AUTS2: variants seen among roughly 807,000 people sequenced by gnomAD.
The protein encoded by AUTS2 is activator of transcription and developmental regulator AUTS2, also known as autism susceptibility gene 2 protein.
Under a neutral mutation model 112.4 loss-of-function variants are expected in AUTS2, and 17 were observed. The ratio of observed to expected loss-of-function variants is 0.15; its 90% confidence interval spans 0.10 to 0.23. The LOEUF is 0.23. AUTS2 is among the 10% of genes least tolerant of loss of function. The pLI is 1.00. For missense variants in AUTS2, 1,510 were observed against 1,701.6 expected, an observed-to-expected ratio of 0.89 and a Z score of 1.98; for synonymous variants, 751 against 702.7, an observed-to-expected ratio of 1.07 and a Z score of -1.09.
intron 4 of AUTS2, among the ~76,000 whole-genome samples, chr7:70,249,734 C>G (rs1040508928): frequency 2.6e-5 from 4 of 151,892 alleles, no homozygotes; most frequent in Admixed American, 1.3e-4. Flanking sequence ...TTTCATTTTT[C>G]TCTGACTCAA....
intron 2 of AUTS2, among the ~76,000 whole-genome samples, chr7:69,927,188 A>ATATATG (rs892242897): frequency 2.8e-5 from 4 of 143,664 alleles, no homozygotes; most frequent in African/African-American, 1.0e-4. Context: ...CAATATATTT[A>ATATATG]TATATATATA....
At chr7:70,133,442 A>T (rs1418756525) in intron 3 of AUTS2, among the ~76,000 whole-genome samples, 2 of 152,230 alleles carry the variant, frequency 1.3e-5, no homozygotes, top group African/African-American at 4.8e-5. Context: ...AGAAGCAATG[A>T]TGAAAAAGCC....
At chr7:70,623,652 GA>G (rs1585395526) in intron 5 of AUTS2, among the ~76,000 whole-genome samples, 1 of 152,150 alleles carries the variant, frequency 6.6e-6, no homozygotes, top group Non-Finnish European at 1.5e-5. Flanking sequence ...GTGTTCAGGG[GA>G]TCACTGGATC....
chr7:69,880,809 A>G (rs1794010784), intron 1 of AUTS2, among the ~76,000 whole-genome samples: 1 of 152,174 alleles, frequency 6.6e-6, no homozygotes, highest in African/African-American at 2.4e-5. Flanking sequence ...TAAAAGAAAA[A>G]GTAACCACCA....
intron 5 of AUTS2, among the ~76,000 whole-genome samples, chr7:70,682,332 T>C (rs1808251343): frequency 6.6e-6 from 1 of 152,210 alleles, no homozygotes; most frequent in Non-Finnish European, 1.5e-5. Flanking sequence ...GACTTTTTAG[T>C]TGTACAAACA....
At chr7:70,482,461 G>A (rs1364805318) in intron 5 of AUTS2, among the ~76,000 whole-genome samples, 2 of 152,148 alleles carry the variant, frequency 1.3e-5, no homozygotes, top group Non-Finnish European at 1.5e-5. Context: ...TACATGTTAA[G>A]ACAGCCCCCA....
intron 1 of AUTS2, among the ~76,000 whole-genome samples, chr7:69,621,656 C>T (rs1002882962): frequency 2.6e-5 from 4 of 152,170 alleles, no homozygotes; most frequent in African/African-American, 7.2e-5. Flanking sequence ...ATTTGTGTCA[C>T]TCATACTTCT....
intron 1 of AUTS2, among the ~76,000 whole-genome samples, chr7:69,812,987 C>T (rs183585255): frequency 2.2e-4 from 34 of 152,154 alleles, no homozygotes; most frequent in Non-Finnish European, 8.8e-5. Context: ...TCATATCACT[C>T]CTCAGTTCAA....
At chr7:70,188,484 G>T (rs187343765) in intron 4 of AUTS2, among the ~76,000 whole-genome samples, 3 of 152,268 alleles carry the variant, frequency 2.0e-5, no homozygotes, top group African/African-American at 7.2e-5. Flanking sequence ...CAAATGGAGG[G>T]ATGGTCTTTA....
intron 5 of AUTS2, among the ~76,000 whole-genome samples, chr7:70,574,365 T>A (rs545482781): frequency 6.6e-6 from 1 of 152,236 alleles, no homozygotes; most frequent in Non-Finnish European, 1.5e-5. Context: ...GATCTTTGAA[T>A]AGAATCCCTT....
chr7:69,951,025 G>T (rs1356292754), intron 2 of AUTS2, among the ~76,000 whole-genome samples: 1 of 152,102 alleles, frequency 6.6e-6, no homozygotes, highest in Non-Finnish European at 1.5e-5. Flanking sequence ...GGAGAGGGAA[G>T]AAAGGGTGGA....
intron 4 of AUTS2, among the ~76,000 whole-genome samples, chr7:70,248,681 A>AT (rs1176650826): frequency 6.7e-6 from 1 of 149,780 alleles, no homozygotes; most frequent in Non-Finnish European, 1.5e-5. Flanking sequence ...TTCTTACTTC[A>AT]TTTTTTTCTT....
In AUTS2 at chr7:69,899,485, A is replaced by G; in HGVS notation, c.509A>G (p.Lys170Arg). Residue 170 changes from lysine (K) to arginine (R), a missense_variant, in exon 2 of 19, where the codon AAG becomes AGG. By Grantham distance (26) the Lys-to-Arg change is conservative. Coordinates refer to ENST00000342771, the MANE Select transcript of AUTS2 (RefSeq NM_015570.4). ...QHLGKRKKMP[K>R]ALRQLKPGQN... ...CTTGGGAAGAGAAAGAAAATGCCGA[A>G]GGCACTCAGACAGGTGAGGAAGCTT... 1 of 1,613,980 alleles carries G rather than the reference A, an allele frequency of 6.2e-7. No homozygotes were observed. The highest frequency in any genetic ancestry group is 8.5e-7 in the Non-Finnish European group (1 of 1,179,858).
intron 1 of AUTS2, among the ~76,000 whole-genome samples, chr7:69,732,429 C>G (rs1181217490): frequency 6.6e-6 from 1 of 151,082 alleles, no homozygotes; most frequent in African/African-American, 2.4e-5. Context: ...GAGGAGTGTG[C>G]GTGAGGTGTG....
Position 69,894,987 on chromosome 7 carries a change from GT to G in AUTS2, c.310-4292del, listed in dbSNP as rs565153537. Among the ~76,000 whole-genome samples the G allele has an allele frequency of 6.1e-3, 935 of 152,098 alleles. 7 individuals are homozygous for G. The highest frequency in any genetic ancestry group is 0.021 in the African/African-American group (873 of 41,528). The stretch of plus-strand genomic sequence containing the variant: ...AATTGCCATTCATTGATCCCAAAAA[GT>G]TTTTTTATATACCAGATAATTTCCC... On this transcript the variant is annotated intron_variant, in intron 1 of 18. Transcript: ENST00000342771.
chr7:70,073,679 CA>C (rs1562664908), intron 2 of AUTS2, among the ~76,000 whole-genome samples: 2 of 151,774 alleles, frequency 1.3e-5, no homozygotes, highest in Admixed American at 1.3e-4. Flanking sequence ...TATTGTTTAC[CA>C]AAAAAAGTGA....
intron 1 of AUTS2, among the ~76,000 whole-genome samples, chr7:69,643,733 TA>T (rs930023382): frequency 2.6e-5 from 4 of 152,062 alleles, no homozygotes; most frequent in African/African-American, 9.7e-5. Flanking sequence ...CAGCAGTAAG[TA>T]AATTTGAAGA....
At chr7:70,267,481 C>CA (rs1169323302) in intron 4 of AUTS2, among the ~76,000 whole-genome samples, 1 of 152,106 alleles carries the variant, frequency 6.6e-6, no homozygotes, top group African/African-American at 2.4e-5. Context: ...TGTAGATTCA[C>CA]AATGTGCTGA....
At chr7:69,734,708 C>G (rs1486390612) in intron 1 of AUTS2, among the ~76,000 whole-genome samples, 1 of 151,346 alleles carries the variant, frequency 6.6e-6, no homozygotes, top group African/African-American at 2.4e-5. Flanking sequence ...GTAAAACTTT[C>G]TTTTCCTTTT....
Sources: allele counts gnomAD v4.1 joint callset (sites outside exome capture counted in the v4.1 genomes callset), GRCh38; gene constraint gnomAD v4.1.1; transcripts MANE v1.5; gene names NCBI Gene and HGNC (gene_info 2026-07-23, HGNC 2026-07-21).